MAP3K4: variants seen among roughly 807,000 people sequenced by gnomAD.
MAP3K4 encodes MAP three kinase 1.
MAP3K4 carries 67 observed loss-of-function variants against 185.6 expected under a neutral mutation model. The ratio of observed to expected loss-of-function variants is 0.36; its 90% CI spans 0.30 to 0.44. The LOEUF (loss-of-function observed/expected upper bound fraction) is 0.44, where lower values mean the gene tolerates loss of function less well. Among genes scored for constraint, MAP3K4 ranks in the 20% least tolerant of loss-of-function variants. MAP3K4 has a pLI of 1.00. For missense variants in MAP3K4, 1,551 were observed against 1,995.1 expected (o/e 0.78, Z 4.24); for synonymous variants, 702 against 710.4 (o/e 0.99, Z 0.19).
In MAP3K4 at chr6:161,088,809, T is replaced by C. The variant is rs1257136580; in HGVS notation, c.2824-513T>C. Among the ~76,000 whole-genome samples the C allele has an allele frequency of 6.6e-6, 1 of 152,212 alleles. No individual in the cohort carries two copies. Among genetic ancestry groups the C allele is most frequent in the African/African-American group, 2.4e-5 (1 of 41,452 alleles). ...TGTCTCTCCAATTCTGTGTTTGTTT[T>C]TGTGCTTCTAGAATGATCATTATAA... On this transcript the variant is annotated intron_variant, in intron 10 of 26. Transcript: ENST00000392142. The surrounding 1 kb of genome is among the most constrained non-coding windows in gnomAD (Gnocchi z 4.5).
rs1785711563 is a variant in MAP3K4, at chr6:161,086,324, G to C, written c.2373-55G>C. 1.0e-6 allele frequency: 1 copy of C among 1,001,412 alleles called. No individual in the cohort carries two copies. Among genetic ancestry groups the C allele is most frequent in the African/African-American group, 1.6e-5 (1 of 61,818 alleles). The allele number at this position is 1,001,412 out of a possible 1,614,324, so 62.0% of individuals were successfully genotyped here. A position where few individuals can be genotyped will look rare whatever the true frequency, so the allele number is the denominator to read the frequency against. On this transcript the variant is annotated intron_variant, in intron 7 of 26. Transcript: ENST00000392142. This position sits in a 1 kb window ranked among gnomAD's most constrained non-coding sequence, Gnocchi z 4.8. ...TCATCTTTATTGTTAAATCCCTCTT[G>C]CACCTCTGGAATATTCCCTAATGTG...
chr6:161,083,128 G>A (rs1399886890), intron 6 of MAP3K4, among the ~76,000 whole-genome samples: 1 of 152,062 alleles, frequency 6.6e-6, no homozygotes, highest in African/African-American at 2.4e-5. Context: ...TCTGCATGGA[G>A]TGCTCTTCCT....
At chr6:161,019,673 T>C (rs777694475) in intron 1 of MAP3K4, among the ~76,000 whole-genome samples, 1 of 152,188 alleles carries the variant, frequency 6.6e-6, no homozygotes, top group Non-Finnish European at 1.5e-5. Context: ...CCTTCCTTAG[T>C]GTTGGGATTA....
Position 161,098,571 on chromosome 6 carries a change from T to C in MAP3K4, c.3674+144T>C. ...TGATGCTCTAGGGCCTTCCGCAGGT[T>C]GTCACGGCCCAGAGGCTCTGGCACT... On this transcript the variant is annotated intron_variant, in intron 17 of 26. Coordinates refer to ENST00000392142, the MANE Select transcript of MAP3K4 (RefSeq NM_005922.4). This position sits in a 1 kb window ranked among gnomAD's most constrained non-coding sequence, Gnocchi z 4.4. 1 of 928,988 alleles carries C rather than the reference T, an allele frequency of 1.1e-6. No individual in the cohort carries two copies. 57.5% of individuals were successfully genotyped at this position (928,988 alleles called of 1,614,324 possible).
Position 161,063,753 on chromosome 6 carries a change from T to G in MAP3K4, c.1708-6855T>G, listed in dbSNP as rs935258868. Among the ~76,000 whole-genome samples, 2 of 152,186 alleles carry G rather than the reference T, an allele frequency of 1.3e-5. No homozygotes were observed. Among genetic ancestry groups the G allele is most frequent in the Non-Finnish European group, 2.9e-5 (2 of 68,032 alleles). On this transcript the variant is annotated intron_variant, in intron 3 of 26. Transcript: ENST00000392142. This position sits in a 1 kb window ranked among gnomAD's most constrained non-coding sequence, Gnocchi z 5.4. ...CTTACTGCCAACCCCTTGCCTTCAC[T>G]CATGAATAGTGCCAAAATCATTCCT...
At chr6:161,095,167 A>G (rs1199782263) in intron 15 of MAP3K4, among the ~76,000 whole-genome samples, 1 of 152,086 alleles carries the variant, frequency 6.6e-6, no homozygotes, top group Non-Finnish European at 1.5e-5. Flanking sequence ...CTCTCTGGAG[A>G]CTCACATGGT....
At chr6:161,024,521 C>T (rs1011060027) in intron 1 of MAP3K4, among the ~76,000 whole-genome samples, 3 of 152,176 alleles carry the variant, frequency 2.0e-5, no homozygotes, top group African/African-American at 7.2e-5. Context: ...TCCTTAGCCT[C>T]GTTGGCTGTT....
At position 161,097,335 on chromosome 6, in the gene MAP3K4, C is replaced by G. The variant is rs978095329; in HGVS notation, c.3524+159C>G. Among the ~76,000 whole-genome samples the G allele has an allele frequency of 1.3e-5, 2 of 152,154 alleles. No individual in the cohort carries two copies. Among genetic ancestry groups the G allele is most frequent in the African/African-American group, 4.8e-5 (2 of 41,438 alleles). ...CTTGCATTATCTTGAAACCTTTAGT[C>G]GCAAAAGAAAAAGACATGCAAATTT... On this transcript the variant is annotated intron_variant, in intron 16 of 26. Coordinates refer to ENST00000392142, the MANE Select transcript of MAP3K4 (RefSeq NM_005922.4). The surrounding 1 kb of genome is among the most constrained non-coding windows in gnomAD (Gnocchi z 4.9).
rs866803836 is a variant in MAP3K4 at position 161,101,132 on chromosome 6, G to A, written c.3675-760G>A. The A allele has an allele frequency of 3.9e-5, 6 of 152,028 alleles. No individual in the cohort carries two copies. Among genetic ancestry groups the A allele is most frequent in the African/African-American group, 1.2e-4 (5 of 41,362 alleles). The allele number at this position is 152,028 out of a possible 1,614,324, so 9.4% of individuals were successfully genotyped here. On this transcript the variant is annotated intron_variant, in intron 17 of 26. Coordinates refer to ENST00000392142, the MANE Select transcript of MAP3K4 (RefSeq NM_005922.4). The surrounding 1 kb of genome is among the most constrained non-coding windows in gnomAD (Gnocchi z 5.1). Reference sequence around the variant, plus strand: ...TTTATTTGAGGTTCTTTGATTATTCGAATTACAATTTTAACACATTCCCTA... The same window carrying A: ...TTTATTTGAGGTTCTTTGATTATTCAAATTACAATTTTAACACATTCCCTA...
rs770667469 is a variant in MAP3K4, at chr6:161,091,375, T to A, written c.2974-4T>A. ...TTGCATTAATCATGGTTTGGACTCT[T>A]CAGAATGATGCATTGGAGCTATGCA... On this transcript the variant is annotated splice_region_variant and splice_polypyrimidine_tract_variant and intron_variant, in intron 11 of 26. Transcript: ENST00000392142. This position sits in a 1 kb window ranked among gnomAD's most constrained non-coding sequence, Gnocchi z 5.5. The A allele has an allele frequency of 2.9e-5, 47 of 1,612,512 alleles. No individual in the cohort carries two copies. The highest frequency in any genetic ancestry group is 3.8e-5 in the Non-Finnish European group (45 of 1,179,366).
chr6:161,017,079 A>G lies in MAP3K4; in HGVS notation c.153-17180A>G, dbSNP rs1262223710. Among the ~76,000 whole-genome samples, 1 of 152,196 alleles carries G rather than the reference A, an allele frequency of 6.6e-6. No individual in the cohort carries two copies. The highest frequency in any genetic ancestry group is 2.4e-5 in the African/African-American group (1 of 41,450). On this transcript the variant is annotated intron_variant, in intron 1 of 26. Transcript: ENST00000392142. The surrounding 1 kb of genome is among the most constrained non-coding windows in gnomAD (Gnocchi z 5.1). ...ATGCTTTACTAAAGGTCTTGTGTGC[A>G]CTGAAAAAAGAATTTTAGAAGCGAA...
chr6:161,041,219 A>G (rs1171294843), intron 2 of MAP3K4, among the ~76,000 whole-genome samples: 1 of 152,162 alleles, frequency 6.6e-6, no homozygotes, highest in Non-Finnish European at 1.5e-5. Context: ...TCTAGGATTC[A>G]CTTTCTCAGG....
chr6:161,105,452 C>T (rs1022905881), intron 19 of MAP3K4, among the ~76,000 whole-genome samples: 4 of 152,116 alleles, frequency 2.6e-5, no homozygotes, highest in Admixed American at 2.0e-4. Context: ...TTACCTTGCC[C>T]ATTGTCAAAC....
intron 3 of MAP3K4, among the ~76,000 whole-genome samples, chr6:161,065,918 AAAGAG>A (rs1361231992): frequency 1.2e-4 from 14 of 112,962 alleles, no homozygotes; most frequent in Non-Finnish European, 2.1e-4. Context: ...AGCCTGGGCA[AAAGAG>A]CAAGACTCCG....
At position 161,093,981 on chromosome 6, in the gene MAP3K4, G is replaced by A; in HGVS notation, c.3427+130G>A. 1 of 643,264 alleles carries A rather than the reference G, an allele frequency of 1.6e-6. No individual in the cohort carries two copies. The highest frequency in any genetic ancestry group is 2.7e-6 in the Non-Finnish European group (1 of 372,608). The allele number at this position is 643,264 out of a possible 1,614,324, so 39.8% of individuals were successfully genotyped here. A position where few individuals can be genotyped will look rare whatever the true frequency, so the allele number is the denominator to read the frequency against. On this transcript the variant is annotated intron_variant, in intron 15 of 26. Transcript: ENST00000392142. This position sits in a 1 kb window ranked among gnomAD's most constrained non-coding sequence, Gnocchi z 5.2. ...GTATTCAGGAAAACGACAATGAGAG[G>A]GACAGAAATGAGGTGTGTAGATAGA...
In MAP3K4 at chr6:161,115,237, T is replaced by C; in HGVS notation, c.4741T>C (p.Cys1581Arg). 6.2e-7 allele frequency: 1 copy of C among 1,614,196 alleles called. No homozygotes were observed. The highest frequency in any genetic ancestry group is 8.5e-7 in the Non-Finnish European group (1 of 1,179,998). ...TGAAGGAAAGGACTTCCTTTCTCAC[T>C]GCCTTGAGAGTGACCCAAAGATGAG... ...SPEGKDFLSH[C>R]LESDPKMRWT... The change falls in exon 26 of 27, where the codon TGC becomes CGC. Residue 1581 changes from cysteine to arginine, a missense_variant. Cys to Arg is a radical substitution (Grantham distance 180, BLOSUM62 -3). Around this residue, in one of 16 missense-constraint regions of MAP3K4, gnomAD observed 159 missense variants for 300.5 expected, o/e 0.53. Coordinates refer to ENST00000392142, the MANE Select transcript of MAP3K4 (RefSeq NM_005922.4). The surrounding 1 kb of genome is among the most constrained non-coding windows in gnomAD (Gnocchi z 6.0).
chr6:161,094,506 C>T (rs573483129), intron 15 of MAP3K4, among the ~76,000 whole-genome samples: 14 of 152,136 alleles, frequency 9.2e-5, no homozygotes, highest in Middle Eastern at 3.4e-3. Context: ...TGTCTTATGC[C>T]GTTCTTGAGA....
rs73026063 is a variant in MAP3K4, at chr6:161,087,991, C to G, written c.2823+37C>G. Reference sequence around the variant, plus strand: ...CTCCATCTTTGCAGCAGTGTTACTTCAAGGACTTTTAGTAAGAATGAACTG... The same window carrying G: ...CTCCATCTTTGCAGCAGTGTTACTTGAAGGACTTTTAGTAAGAATGAACTG... On this transcript the variant is annotated intron_variant, in intron 10 of 26. Coordinates refer to ENST00000392142, the MANE Select transcript of MAP3K4 (RefSeq NM_005922.4). The surrounding 1 kb of genome is among the most constrained non-coding windows in gnomAD (Gnocchi z 4.9). 2 of 1,579,436 alleles carry G rather than the reference C, an allele frequency of 1.3e-6. No homozygotes were observed. The highest frequency in any genetic ancestry group is 1.7e-6 in the Non-Finnish European group (2 of 1,167,114).
Position 161,107,107 on chromosome 6 carries a change from A to G in MAP3K4, c.4048+402A>G, listed in dbSNP as rs1162939976. ...AGAACGTGATTTGAAGAGAGACTGG[A>G]TACAAATGAGGGCAAGACAGTCTTC... On this transcript the variant is annotated intron_variant, in intron 20 of 26. Coordinates refer to ENST00000392142, the MANE Select transcript of MAP3K4 (RefSeq NM_005922.4). The surrounding 1 kb of genome is among the most constrained non-coding windows in gnomAD (Gnocchi z 6.2). Among the ~76,000 whole-genome samples, 1 of 152,004 alleles carries G rather than the reference A, an allele frequency of 6.6e-6. No homozygotes were observed. Among genetic ancestry groups the G allele is most frequent in the East Asian group, 1.9e-4 (1 of 5,198 alleles).
Sources: allele counts gnomAD v4.1 joint callset (sites outside exome capture counted in the v4.1 genomes callset), GRCh38; gene constraint gnomAD v4.1.1; regional missense constraint gnomAD v4.1.1; non-coding constraint Gnocchi (gnomAD v3.1); transcripts MANE v1.5; gene names NCBI Gene and HGNC (gene_info 2026-07-23, HGNC 2026-07-21).